GRIK1: variants seen among roughly 807,000 people sequenced by gnomAD.
GRIK1 encodes the protein glutamate receptor ionotropic, kainate 1.
Under a neutral mutation model 105.7 loss-of-function variants are expected in GRIK1, and 69 were observed. The observed-to-expected ratio is 0.65, with a 90% CI of 0.54 to 0.80. GRIK1 has a LOEUF of 0.80. Ranked by LOEUF, GRIK1 falls within the 30% of genes least tolerant of loss-of-function variation. The probability of loss-of-function intolerance (pLI) is 0.00; values close to 1 mark genes in which losing one functional copy is unlikely to be tolerated. For missense variants in GRIK1, 1,109 were observed against 1,167.3 expected, an observed-to-expected ratio of 0.95 and a Z score of 0.73; for synonymous variants, 438 against 431.3, an observed-to-expected ratio of 1.02 and a Z score of -0.19.
intron 1 of GRIK1, among the ~76,000 whole-genome samples, chr21:29,737,167 T>G (rs1046856845): frequency 3.9e-5 from 6 of 152,198 alleles, no homozygotes; most frequent in African/African-American, 1.4e-4. Context: ...CCCTTTTAAG[T>G]GTGGCCTGTA....
intron 1 of GRIK1, among the ~76,000 whole-genome samples, chr21:29,898,802 CAAAT>C (rs1329456715): frequency 6.6e-6 from 1 of 151,970 alleles, no homozygotes; most frequent in Admixed American, 6.6e-5. Flanking sequence ...TTTGAGTACA[CAAAT>C]AAGTATTCAA....
Position 29,654,880 on chromosome 21 carries a change from A to AG in GRIK1, c.727-18dup, listed in dbSNP as rs981007829. 2 of 1,482,968 alleles carry AG rather than the reference A, an allele frequency of 1.3e-6. No homozygotes were observed. Among genetic ancestry groups the AG allele is most frequent in the Non-Finnish European group, 1.9e-6 (2 of 1,060,634 alleles). 91.9% of individuals were successfully genotyped at this position (1,482,968 alleles called of 1,614,324 possible). ...GAACAGAATCTGCAAAAGAGAAATA[A>AG]GGGGAAAGAATCAGGAACAGAATTA... On this transcript the variant is annotated splice_polypyrimidine_tract_variant and intron_variant, in intron 4 of 17. Transcript: ENST00000327783.
intron 1 of GRIK1, among the ~76,000 whole-genome samples, chr21:29,876,759 T>C (rs189748977): frequency 6.6e-6 from 1 of 152,278 alleles, no homozygotes; most frequent in East Asian, 1.9e-4. Flanking sequence ...ATCTAGAACA[T>C]TTTGGAGAAT....
chr21:29,737,269 G>T (rs1009948194), intron 1 of GRIK1, among the ~76,000 whole-genome samples: 3 of 152,156 alleles, frequency 2.0e-5, no homozygotes, highest in African/African-American at 7.2e-5. Context: ...GAAGCACAAA[G>T]AAACTGTAGG....
chr21:29,681,266 G>A (rs745384544), intron 3 of GRIK1, among the ~76,000 whole-genome samples: 5 of 152,188 alleles, frequency 3.3e-5, no homozygotes, highest in Non-Finnish European at 7.3e-5. Flanking sequence ...ATGTTACTCT[G>A]ATCTTATCCA....
At chr21:29,771,344 C>G (rs960347346) in intron 1 of GRIK1, among the ~76,000 whole-genome samples, 3 of 152,064 alleles carry the variant, frequency 2.0e-5, no homozygotes, top group Non-Finnish European at 4.4e-5. Context: ...TAAGAAGGCC[C>G]CGATGTCTAA....
rs1452881762 is a variant in GRIK1, at chr21:29,537,189, A to G, written c.*41T>C. 1 of 1,464,562 alleles carries G rather than the reference A, an allele frequency of 6.8e-7. No homozygotes were observed. The highest frequency in any genetic ancestry group is 9.2e-7 in the Non-Finnish European group (1 of 1,085,848). The allele number at this position is 1,464,562 out of a possible 1,614,324, so 90.7% of individuals were successfully genotyped here. A position where few individuals can be genotyped will look rare whatever the true frequency, so the allele number is the denominator to read the frequency against. The stretch of plus-strand genomic sequence containing the variant: ...AGAAATCCTTTCTCCAAAAATCTGT[A>G]GGGAATGCATCCTTTTTCTTCCTAC... On this transcript the variant is annotated 3_prime_UTR_variant, in exon 18 of 18. Transcript: ENST00000327783.
chr21:29,778,842 C>T (rs2142161), intron 1 of GRIK1, among the ~76,000 whole-genome samples: 60,495 of 152,050 alleles, frequency 0.4, 14,172 homozygotes, highest in South Asian at 0.56. Context: ...TTGACCACTT[C>T]TAAGAGATCA....
At chr21:29,885,359 A>T (rs568161563) in intron 1 of GRIK1, among the ~76,000 whole-genome samples, 1 of 152,084 alleles carries the variant, frequency 6.6e-6, no homozygotes, top group Non-Finnish European at 1.5e-5. Flanking sequence ...ACCCTGACCT[A>T]GCTGTAGTTG....
chr21:29,654,586 A>G (rs1014614868), intron 5 of GRIK1, among the ~76,000 whole-genome samples: 2 of 151,852 alleles, frequency 1.3e-5, no homozygotes, highest in Non-Finnish European at 2.9e-5. Flanking sequence ...ACATGCATTG[A>G]TACTAGTTAA....
At chr21:29,877,417 G>A (rs2069229541) in intron 1 of GRIK1, among the ~76,000 whole-genome samples, 2 of 152,120 alleles carry the variant, frequency 1.3e-5, no homozygotes, top group South Asian at 2.1e-4. Context: ...AAATAAGAAC[G>A]ATTATATTAC....
At chr21:29,623,678 T>C (rs1212988822) in intron 7 of GRIK1, among the ~76,000 whole-genome samples, 1 of 152,226 alleles carries the variant, frequency 6.6e-6, no homozygotes, top group Non-Finnish European at 1.5e-5. Context: ...GAATATTGTT[T>C]AGCTTGAGTT....
intron 7 of GRIK1, among the ~76,000 whole-genome samples, chr21:29,629,809 C>A (rs899280071): frequency 2.6e-5 from 4 of 152,018 alleles, no homozygotes; most frequent in African/African-American, 7.3e-5. Flanking sequence ...CATAAGTTGG[C>A]AGTAAGTTGA....
At chr21:29,546,344 G>A (rs2146102360) in intron 16 of GRIK1, among the ~76,000 whole-genome samples, 1 of 152,324 alleles carries the variant, frequency 6.6e-6, no homozygotes, top group South Asian at 2.1e-4. Context: ...CCTACACGCT[G>A]TTATTCTGCC....
At chr21:29,939,239 G>T in intron 1 of GRIK1, 144 bp downstream of exon 1, 2 of 568,604 alleles carry the variant, frequency 3.5e-6, no homozygotes, top group Non-Finnish European at 6.2e-6. Context: ...CCTTTTTTGT[G>T]TAGCCTCCCA....
At chr21:29,566,223 A>T (rs889092322) in intron 14 of GRIK1, among the ~76,000 whole-genome samples, 2 of 152,076 alleles carry the variant, frequency 1.3e-5, no homozygotes, top group African/African-American at 4.8e-5. Flanking sequence ...CTCCTAAATC[A>T]CTCTAAATAA....
intron 1 of GRIK1, among the ~76,000 whole-genome samples, chr21:29,774,667 G>T (rs1437489603): frequency 6.6e-6 from 1 of 151,956 alleles, no homozygotes; most frequent in African/African-American, 2.4e-5. Flanking sequence ...GGCCAGGCTG[G>T]TCTCAATCTC....
chr21:29,928,016 G>A (rs1487229186), intron 1 of GRIK1, among the ~76,000 whole-genome samples: 1 of 152,132 alleles, frequency 6.6e-6, no homozygotes, highest in South Asian at 2.1e-4. Flanking sequence ...GGCCACAGTT[G>A]TTCAACCTTT....
intron 6 of GRIK1, among the ~76,000 whole-genome samples, chr21:29,650,548 G>C (rs2062710425): frequency 6.6e-6 from 1 of 152,208 alleles, no homozygotes; most frequent in Non-Finnish European, 1.5e-5. Flanking sequence ...TATCTGTTCA[G>C]CAGAGTATCT....
Sources: gnomAD v4.1 joint callset for allele counts (sites outside exome capture counted in the v4.1 genomes callset) on GRCh38, gnomAD v4.1.1 for gene constraint, MANE v1.5 for transcripts, NCBI Gene and HGNC (gene_info 2026-07-23, HGNC 2026-07-21) for gene names.